The following EPHB4 variants were observed in gnomAD, a reference collection of about 807,000 sequenced individuals.
EPHB4 encodes EPH receptor B4, also known as ephrin type-B receptor 4.
In EPHB4, 50 loss-of-function variants were observed where a neutral mutation model predicts 110.6. The observed-to-expected ratio is 0.45, with a 90% CI of 0.36 to 0.57. EPHB4 has a LOEUF of 0.57. Ranked by LOEUF, EPHB4 falls within the 20% of genes least tolerant of loss-of-function variation. The pLI, the probability that EPHB4 is intolerant of heterozygous loss-of-function variation, is 0.00. For missense variants in EPHB4, 1,128 were observed against 1,382.1 expected, an observed-to-expected ratio of 0.82 and a Z score of 2.91; for synonymous variants, 592 against 578.4, an observed-to-expected ratio of 1.02 and a Z score of -0.34.
intron 8 of EPHB4, among the ~76,000 whole-genome samples, chr7:100,814,630 A>G (rs1813023266): frequency 6.6e-6 from 1 of 152,264 alleles, no homozygotes; most frequent in South Asian, 2.1e-4. Context: ...TTATCCAAAA[A>G]GTCGATACAA....
chr7:100,823,835 G>A lies in EPHB4; in HGVS notation c.220C>T (p.Arg74Cys), dbSNP rs1207070660. ...QRAPGQAHWL[R>C]TGWVPRRGAV... is the part of the protein sequence containing the mutation. ...CCCCGCCGTGGGACCCAACCTGTGCGAAGCCAGTGGGCCTGGCCCGGGGCA... is the reference window on the plus strand; with the variant it reads ...CCCCGCCGTGGGACCCAACCTGTGCAAAGCCAGTGGGCCTGGCCCGGGGCA... The change falls in exon 3 of 17, where the codon CGC becomes TGC. Residue 74 changes from arginine (R) to cysteine (C), a missense_variant. By Grantham distance (180) the Arg-to-Cys change is radical. Around this residue, in one of 3 missense-constraint regions of EPHB4, gnomAD observed 728 missense variants for 828.6 expected, o/e 0.88. Coordinates refer to ENST00000358173, the MANE Select transcript of EPHB4 (RefSeq NM_004444.5). 5 of 1,613,074 alleles carry A rather than the reference G, an allele frequency of 3.1e-6. No individual in the cohort carries two copies. The highest frequency in any genetic ancestry group is 2.2e-5 in the East Asian group (1 of 44,896).
Position 100,822,127 on chromosome 7 carries a change from A to T in EPHB4, c.808+144T>A. 1 of 1,211,012 alleles carries T rather than the reference A, an allele frequency of 8.3e-7. No homozygotes were observed. The highest frequency in any genetic ancestry group is 1.1e-6 in the Non-Finnish European group (1 of 895,876). 75.0% of individuals were successfully genotyped at this position (1,211,012 alleles called of 1,614,324 possible). A position where few individuals can be genotyped will look rare whatever the true frequency, so the allele number is the denominator to read the frequency against. The stretch of plus-strand genomic sequence containing the variant: ...GTTGCAGTTGAGCAGAGATTGTGCC[A>T]CTGCACTCCAGCCTGGGTGACAGAG... On this transcript the variant is annotated intron_variant, in intron 4 of 16. Transcript: ENST00000358173. The surrounding 1 kb of genome is among the most constrained non-coding windows in gnomAD (Gnocchi z 4.7).
At chr7:100,812,634 AG>A in intron 12 of EPHB4, 112 bp downstream of exon 12, 1 of 1,405,068 alleles carries the variant, frequency 7.1e-7, no homozygotes. Flanking sequence ...CAAGAGGAAA[AG>A]GCTGGAGGAG....
chr7:100,816,712 C>T (rs1288593522), intron 8 of EPHB4, among the ~76,000 whole-genome samples: 2 of 152,078 alleles, frequency 1.3e-5, no homozygotes, highest in African/African-American at 4.8e-5. Flanking sequence ...CAAAACTCAG[C>T]TGTTGGTTTT....
chr7:100,822,462 C>A lies in EPHB4; in HGVS notation c.617G>T (p.Arg206Leu), dbSNP rs557044427. The A allele has an allele frequency of 6.2e-6, 10 of 1,608,120 alleles. No individual in the cohort carries two copies. In the Admixed American group the frequency reaches 8.4e-5, roughly 13 times the overall value. ...KCAQLTVNLT[R>L]FPETVPRELV... ...CTCCCGAGGCACAGTCTCCGGGAAT[C>A]GAGTCAGGTTCACAGTCAGCTGGGC... Residue 206 changes from arginine to leucine, a missense_variant, in exon 4 of 17, where the codon CGA becomes CTA. Around this residue, in one of 3 missense-constraint regions of EPHB4, gnomAD observed 728 missense variants for 828.6 expected, o/e 0.88. Transcript: ENST00000358173. The surrounding 1 kb of genome is among the most constrained non-coding windows in gnomAD (Gnocchi z 4.7).
intron 13 of EPHB4, 106 bp downstream of exon 13, chr7:100,807,259 C>T (rs997686463): frequency 8.5e-7 from 1 of 1,177,800 alleles, no homozygotes; most frequent in Middle Eastern, 2.0e-4. Context: ...GCTCCTGTAT[C>T]CTCTCCCTGG....
Position 100,805,156 on chromosome 7 carries a change from C to T in EPHB4, c.2834+10G>A. 1.2e-6 allele frequency: 2 copies of T among 1,610,996 alleles called. No individual in the cohort carries two copies. The highest frequency in any genetic ancestry group is 2.2e-5 in the East Asian group (1 of 44,836). On this transcript the variant is annotated intron_variant, in intron 16 of 16. Transcript: ENST00000358173. ...CTCCCAGCCCCACTCCAGCTCCTGC[C>T]ACTGCTTACTCAGCAGAGATCTGGC...
At chr7:100,807,775 T>C (rs1812849343) in intron 12 of EPHB4, among the ~76,000 whole-genome samples, 195 bp from the exon 13 acceptor site, 1 of 152,182 alleles carries the variant, frequency 6.6e-6, no homozygotes, top group Non-Finnish European at 1.5e-5. Context: ...ACAATAGGCA[T>C]GTGCCATTAT....
Position 100,822,109 on chromosome 7 carries a change from T to C in EPHB4, c.808+162A>G, listed in dbSNP as rs186998188. Among the ~76,000 whole-genome samples, 1 of 152,012 alleles carries C rather than the reference T, an allele frequency of 6.6e-6. No homozygotes were observed. The highest frequency in any genetic ancestry group is 1.5e-5 in the Non-Finnish European group (1 of 67,932). Reference sequence around the variant, plus strand: ...GGGACCCGGGAGGCAAAGGTTGCAGTTGAGCAGAGATTGTGCCACTGCACT... The same window carrying C: ...GGGACCCGGGAGGCAAAGGTTGCAGCTGAGCAGAGATTGTGCCACTGCACT... On this transcript the variant is annotated intron_variant, in intron 4 of 16. Coordinates refer to ENST00000358173, the MANE Select transcript of EPHB4 (RefSeq NM_004444.5). The surrounding 1 kb of genome is among the most constrained non-coding windows in gnomAD (Gnocchi z 4.7).
chr7:100,824,344 G>A (rs1813319018), intron 1 of EPHB4, 71 bp from the exon 2 acceptor site: 1 of 1,533,178 alleles, frequency 6.5e-7, no homozygotes, highest in Non-Finnish European at 9.0e-7. Flanking sequence ...AGATCCCTGG[G>A]AACCGAGGCA....
intron 12 of EPHB4, among the ~76,000 whole-genome samples, chr7:100,809,639 G>A (rs1159897111): frequency 6.6e-6 from 1 of 152,084 alleles, no homozygotes; most frequent in Non-Finnish European, 1.5e-5. Context: ...TCAGCCTCCC[G>A]AGTAGCTGGG....
chr7:100,807,137 A>C (rs1812834500), intron 13 of EPHB4, among the ~76,000 whole-genome samples: 1 of 151,776 alleles, frequency 6.6e-6, no homozygotes. Context: ...TAATCTTTTA[A>C]TTTTTTTGTA....
chr7:100,816,946 G>A (rs1028153500), intron 8 of EPHB4, among the ~76,000 whole-genome samples: 2 of 151,956 alleles, frequency 1.3e-5, no homozygotes, highest in Non-Finnish European at 2.9e-5. Flanking sequence ...GGCCAGGCGC[G>A]GTGGCAGGCG....
intron 12 of EPHB4, among the ~76,000 whole-genome samples, chr7:100,810,250 A>AAAAC (rs934203364): frequency 1.3e-5 from 2 of 151,990 alleles, no homozygotes; most frequent in Admixed American, 6.6e-5. Flanking sequence ...TCCATCTCAA[A>AAAAC]AAACAAACAA....
chr7:100,805,364 G>T (rs1260823941), intron 15 of EPHB4, 43 bp from the exon 16 acceptor site: 1 of 1,610,150 alleles, frequency 6.2e-7, no homozygotes, highest in African/African-American at 1.3e-5. Context: ...ACCAGGCCCA[G>T]GTCCGGGGGA....
chr7:100,809,105 TTTTA>T (rs936743217), intron 12 of EPHB4, among the ~76,000 whole-genome samples: 3 of 152,082 alleles, frequency 2.0e-5, no homozygotes, highest in South Asian at 4.1e-4. Flanking sequence ...AAAGAGGTCT[TTTTA>T]TTTATTTATT....
intron 4 of EPHB4, 44 bp from the exon 5 acceptor site, chr7:100,820,340 C>T: frequency 6.3e-7 from 1 of 1,594,502 alleles, no homozygotes; most frequent in Non-Finnish European, 8.5e-7. Flanking sequence ...ACAAAAACAT[C>T]CATCTGCACG....
In EPHB4 at chr7:100,805,334, G is replaced by A. The variant is rs374348540; in HGVS notation, c.2679-13C>T. On this transcript the variant is annotated splice_polypyrimidine_tract_variant and intron_variant, in intron 15 of 16. Coordinates refer to ENST00000358173, the MANE Select transcript of EPHB4 (RefSeq NM_004444.5). ...AGGGTGTGAGGCCCTAGGGGGCAAG[G>A]ATGGGGAGGAATGCTGAGTACCAGG... The A allele has an allele frequency of 5.0e-6, 8 of 1,613,750 alleles. No homozygotes were observed. Among genetic ancestry groups the A allele is most frequent in the Non-Finnish European group, 6.8e-6 (8 of 1,179,850 alleles).
In EPHB4 at chr7:100,822,211, G is replaced by C; in HGVS notation, c.808+60C>G. 3 of 1,502,478 alleles carry C rather than the reference G, an allele frequency of 2.0e-6. No individual in the cohort carries two copies. Among genetic ancestry groups the C allele is most frequent in the Non-Finnish European group, 2.7e-6 (3 of 1,124,788 alleles). 93.1% of individuals were successfully genotyped at this position (1,502,478 alleles called of 1,614,324 possible). A position where few individuals can be genotyped will look rare whatever the true frequency, so the allele number is the denominator to read the frequency against. ...TGGAAACTTAAGAAGTGGGTCCTGAGTGGAGTTCAGGACTCTCCCCCGGAT... is the reference window on the plus strand; with the variant it reads ...TGGAAACTTAAGAAGTGGGTCCTGACTGGAGTTCAGGACTCTCCCCCGGAT... On this transcript the variant is annotated intron_variant, in intron 4 of 16. Transcript: ENST00000358173. This position sits in a 1 kb window ranked among gnomAD's most constrained non-coding sequence, Gnocchi z 4.7.
Sources: gnomAD v4.1 joint callset for allele counts (sites outside exome capture counted in the v4.1 genomes callset) on GRCh38, gnomAD v4.1.1 for gene constraint, gnomAD v4.1.1 regional missense constraint, Gnocchi (gnomAD v3.1) non-coding constraint, MANE v1.5 for transcripts, NCBI Gene and HGNC (gene_info 2026-07-23, HGNC 2026-07-21) for gene names.